SEPTIN9: variants seen among roughly 807,000 people sequenced by gnomAD.
SEPTIN9 encodes septin-9.
In SEPTIN9, 13 loss-of-function variants were observed where a neutral mutation model predicts 56.6. The observed-to-expected ratio is 0.23, with a 90% confidence interval of 0.15 to 0.37. The LOEUF (loss-of-function observed/expected upper bound fraction) is 0.37, where lower values mean the gene tolerates loss of function less well. Ranked by LOEUF, SEPTIN9 falls within the 10% of genes least tolerant of loss-of-function variation. The pLI is 1.00. For synonymous variants in SEPTIN9, 332 were observed against 334.1 expected (o/e 0.99, Z 0.07); for missense variants, 650 against 823.1 (o/e 0.79, Z 2.57).
At position 77,434,806 on chromosome 17, in the gene SEPTIN9, G is replaced by A. The variant is rs2037278791; in HGVS notation, c.721+32103G>A. Among the ~76,000 whole-genome samples the A allele has an allele frequency of 6.6e-6, 1 of 152,180 alleles. No homozygotes were observed. Among genetic ancestry groups the A allele is most frequent in the African/African-American group, 2.4e-5 (1 of 41,440 alleles). On this transcript the variant is annotated intron_variant, in intron 3 of 11. Transcript: ENST00000427177. This position sits in a 1 kb window ranked among gnomAD's most constrained non-coding sequence, Gnocchi z 5.0. ...ACCTGGACCTTGGGTGGCAGGCCTG[G>A]GGCCTTCAGTCCTTAATTCAGGAGG...
chr17:77,473,835 T>TA (rs2039104284), intron 3 of SEPTIN9, among the ~76,000 whole-genome samples: 1 of 152,236 alleles, frequency 6.6e-6, no homozygotes, highest in African/African-American at 2.4e-5. Flanking sequence ...AGACACTCAA[T>TA]AAATACTTGT....
At chr17:77,396,741 T>TG (rs2035729689) in intron 2 of SEPTIN9, among the ~76,000 whole-genome samples, 1 of 152,078 alleles carries the variant, frequency 6.6e-6, no homozygotes, top group Non-Finnish European at 1.5e-5. Context: ...ATGTCCTCCG[T>TG]GGGGAGGCAA....
chr17:77,339,665 A>T (rs1375414101), intron 2 of SEPTIN9, among the ~76,000 whole-genome samples: 1 of 151,822 alleles, frequency 6.6e-6, no homozygotes, highest in Non-Finnish European at 1.5e-5. Flanking sequence ...ACACACCACC[A>T]TGCTTGGCTA....
rs1352307157 is a variant in SEPTIN9, at chr17:77,402,137, T to C, written c.155T>C (p.Leu52Pro). The change falls in exon 3 of 12, where the codon CTC becomes CCC. Residue 52 changes from leucine to proline, a missense_variant. Transcript: ENST00000427177. The surrounding 1 kb of genome is among the most constrained non-coding windows in gnomAD (Gnocchi z 6.6). ...CCCCGGAGGGTCCAGACTCCCCTAC[T>C]CCGAGCCACTGTGGCCAGCTCCACC... is the stretch of plus-strand genomic sequence containing the variant. ...TPPRRVQTPLLRATVASSTQK... is the reference protein window; with the variant it reads ...TPPRRVQTPLPRATVASSTQK... The C allele has an allele frequency of 6.2e-7, 1 of 1,613,680 alleles. No homozygotes were observed. The highest frequency in any genetic ancestry group is 8.5e-7 in the Non-Finnish European group (1 of 1,179,822).
At chr17:77,485,837 GTTTT>G (rs1198341574) in intron 4 of SEPTIN9, among the ~76,000 whole-genome samples, 1 of 151,994 alleles carries the variant, frequency 6.6e-6, no homozygotes, top group Non-Finnish European at 1.5e-5. Flanking sequence ...AATTTAGGGT[GTTTT>G]TTGTGTTGTG....
chr17:77,459,859 C>T (rs1407046118), intron 3 of SEPTIN9, among the ~76,000 whole-genome samples: 1 of 152,096 alleles, frequency 6.6e-6, no homozygotes, highest in African/African-American at 2.4e-5. Context: ...TGTATTTTTA[C>T]TAGAGATGGG....
rs371241098 is a variant in SEPTIN9, at chr17:77,482,171, G to A, written c.749G>A (p.Gly250Asp). Residue 250 changes from glycine to aspartate, a missense_variant, in exon 4 of 12, where the codon GGC becomes GAC. By Grantham distance (94) the Gly-to-Asp change is moderately conservative (BLOSUM62 -1). This residue lies in a region of SEPTIN9 where 333 missense variants were observed against 494.0 expected (regional missense o/e 0.67). Transcript: ENST00000427177. The stretch of plus-strand genomic sequence containing the variant: ...ACTGAGGCGGCTCCCAGCTGCGTTG[G>A]CGACATGGCCGACACCCCCAGAGAT... ...EATEAAPSCV[G>D]DMADTPRDAG... The A allele has an allele frequency of 1.9e-6, 3 of 1,596,852 alleles. No individual in the cohort carries two copies. The highest frequency in any genetic ancestry group is 2.6e-6 in the Non-Finnish European group (3 of 1,172,634).
At position 77,329,151 on chromosome 17, in the gene SEPTIN9, A is replaced by G. The variant is rs889053493; in HGVS notation, c.76+21954A>G. Among the ~76,000 whole-genome samples the G allele has an allele frequency of 1.3e-5, 2 of 152,160 alleles. No individual in the cohort carries two copies. The highest frequency in any genetic ancestry group is 4.8e-5 in the African/African-American group (2 of 41,444). ...GTGAGGGCTTGATTTTATTCTCACT[A>G]TGGTGGGACCTCAGTGCCCTGTGGC... is the stretch of plus-strand genomic sequence containing the variant. On this transcript the variant is annotated intron_variant, in intron 2 of 11. Coordinates refer to ENST00000427177, the MANE Select transcript of SEPTIN9 (RefSeq NM_001113491.2). The surrounding 1 kb of genome is among the most constrained non-coding windows in gnomAD (Gnocchi z 4.3).
chr17:77,456,340 C>T lies in SEPTIN9; in HGVS notation c.722-25804C>T, dbSNP rs2038202810. The T allele has an allele frequency of 6.6e-6, 1 of 152,266 alleles. No individual in the cohort carries two copies. The highest frequency in any genetic ancestry group is 6.5e-5 in the Admixed American group (1 of 15,284). 9.4% of individuals were successfully genotyped at this position (152,266 alleles called of 1,614,324 possible). ...GGTGTGCGTCCTCCTGCGGGTTCTC[C>T]ACCTCTTGGCTTCGTTACCTGCACT... On this transcript the variant is annotated intron_variant, in intron 3 of 11. Transcript: ENST00000427177. This position sits in a 1 kb window ranked among gnomAD's most constrained non-coding sequence, Gnocchi z 6.0.
At chr17:77,427,715 C>A (rs895393001) in intron 3 of SEPTIN9, among the ~76,000 whole-genome samples, 1 of 152,184 alleles carries the variant, frequency 6.6e-6, no homozygotes, top group Non-Finnish European at 1.5e-5. Context: ...CCTGCAGGGT[C>A]TTGAGCCCTG....
intron 1 of SEPTIN9, among the ~76,000 whole-genome samples, chr17:77,305,529 C>G (rs934639645): frequency 6.6e-6 from 1 of 152,148 alleles, no homozygotes; most frequent in Non-Finnish European, 1.5e-5. Flanking sequence ...GACCCACACC[C>G]TCTTTGGAGC....
intron 1 of SEPTIN9, among the ~76,000 whole-genome samples, chr17:77,287,536 C>T (rs2031335996): frequency 6.6e-6 from 1 of 152,220 alleles, no homozygotes; most frequent in African/African-American, 2.4e-5. Flanking sequence ...CTCCTGTACG[C>T]TGGAGGCTCT....
intron 3 of SEPTIN9, among the ~76,000 whole-genome samples, chr17:77,420,353 T>C (rs1220301901): frequency 6.6e-6 from 1 of 152,218 alleles, no homozygotes; most frequent in East Asian, 1.9e-4. Context: ...CTTCTGCATG[T>C]GTCTTCTTGG....
chr17:77,402,549 G>C lies in SEPTIN9; in HGVS notation c.567G>C (p.Glu189Asp). 1 of 1,609,564 alleles carries C rather than the reference G, an allele frequency of 6.2e-7. No individual in the cohort carries two copies. Among genetic ancestry groups the C allele is most frequent in the Non-Finnish European group, 8.5e-7 (1 of 1,178,372 alleles). The change falls in exon 3 of 12, where the codon GAG becomes GAC. Residue 189 changes from glutamate to aspartate, a missense_variant. This residue lies in a region of SEPTIN9 where 317 missense variants were observed against 329.1 expected (regional missense o/e 0.96). Transcript: ENST00000427177. The surrounding 1 kb of genome is among the most constrained non-coding windows in gnomAD (Gnocchi z 6.6). The stretch of plus-strand genomic sequence containing the variant: ...CCGACGCAGCCCCCAAGAGGGTGGA[G>C]ATCCAGATGCCCAAGCCTGCTGAGG... Reference protein sequence around the residue: ...PATDAAPKRVEIQMPKPAEAP... With the variant: ...PATDAAPKRVDIQMPKPAEAP...
Position 77,475,062 on chromosome 17 carries a change from T to C in SEPTIN9, c.722-7082T>C, listed in dbSNP as rs569244358. On this transcript the variant is annotated intron_variant, in intron 3 of 11. Transcript: ENST00000427177. This position sits in a 1 kb window ranked among gnomAD's most constrained non-coding sequence, Gnocchi z 4.6. ...AGCCCCCAGTAAACCTCGGCTGCTG[T>C]GATGAGCTTTGTTTCTTCATTTGTT... is the stretch of plus-strand genomic sequence containing the variant. 5.3e-5 allele frequency among the ~76,000 whole-genome samples: 8 copies of C among 152,160 alleles called. 1 individual carries two copies. In the South Asian group the frequency reaches 1.7e-3, roughly 32 times the overall value.
At chr17:77,303,339 T>C (rs1024511131) in intron 1 of SEPTIN9, among the ~76,000 whole-genome samples, 1 of 150,060 alleles carries the variant, frequency 6.7e-6, no homozygotes, top group Non-Finnish European at 1.5e-5. Flanking sequence ...CTCGGGTGAC[T>C]GGCCCACGTC....
chr17:77,350,008 T>C lies in SEPTIN9; in HGVS notation c.76+42811T>C, dbSNP rs559250084. Among the ~76,000 whole-genome samples, 144 of 152,352 alleles carry C rather than the reference T, an allele frequency of 9.5e-4. 1 individual carries two copies. The highest frequency in any genetic ancestry group is 3.1e-3 in the African/African-American group (131 of 41,590). ...GTGGAATTCCTGGTCTGGGTGGCTA[T>C]GGTGCCCTAGACCACTGGCTAGACC... is the stretch of plus-strand genomic sequence containing the variant. On this transcript the variant is annotated intron_variant, in intron 2 of 11. Coordinates refer to ENST00000427177, the MANE Select transcript of SEPTIN9 (RefSeq NM_001113491.2).
At chr17:77,462,310 C>T (rs1013695543) in intron 3 of SEPTIN9, among the ~76,000 whole-genome samples, 3 of 152,184 alleles carry the variant, frequency 2.0e-5, no homozygotes, top group Non-Finnish European at 2.9e-5. Context: ...GGCCCGATCA[C>T]GGCTCACTGC....
intron 3 of SEPTIN9, among the ~76,000 whole-genome samples, chr17:77,465,002 T>G (rs886161698): frequency 6.6e-6 from 1 of 152,092 alleles, no homozygotes; most frequent in Non-Finnish European, 1.5e-5. Flanking sequence ...CATTCCCAAC[T>G]CCGGGCTCTC....
Sources: allele counts gnomAD v4.1 joint callset (sites outside exome capture counted in the v4.1 genomes callset), GRCh38; gene constraint gnomAD v4.1.1; regional missense constraint gnomAD v4.1.1; non-coding constraint Gnocchi (gnomAD v3.1); transcripts MANE v1.5; gene names NCBI Gene and HGNC (gene_info 2026-07-23, HGNC 2026-07-21).